MYRIP: variants seen among roughly 807,000 people sequenced by gnomAD.
MYRIP encodes myosin VIIA and Rab interacting protein.
In MYRIP, 49 loss-of-function variants were observed where a neutral mutation model predicts 98.0. The observed-to-expected ratio is 0.50, with a 90% CI of 0.40 to 0.63. The LOEUF (loss-of-function observed/expected upper bound fraction) is 0.63, where lower values mean the gene tolerates loss of function less well. Ranked by LOEUF, MYRIP falls within the 30% of genes least tolerant of loss-of-function variation. The pLI is 0.00. For synonymous variants in MYRIP, 404 were observed against 409.5 expected, an observed-to-expected ratio of 0.99 and a Z score of 0.16; for missense variants, 1,004 against 1,058.2, an observed-to-expected ratio of 0.95 and a Z score of 0.71.
chr3:39,913,170 A>G (rs559368047), intron 2 of MYRIP, among the ~76,000 whole-genome samples: 326 of 152,306 alleles, frequency 2.1e-3, no homozygotes, highest in Middle Eastern at 6.8e-3. Flanking sequence ...TCAGGGATAC[A>G]CTAAGAGCCC....
intron 1 of MYRIP, among the ~76,000 whole-genome samples, chr3:39,887,753 T>C (rs575076806): frequency 2.0e-4 from 30 of 152,278 alleles, no homozygotes; most frequent in African/African-American, 6.5e-4. Context: ...TGTTTGCAGA[T>C]GACATGATTG....
chr3:40,134,670 T>C (rs1037941656), intron 3 of MYRIP, among the ~76,000 whole-genome samples: 2 of 152,160 alleles, frequency 1.3e-5, no homozygotes, highest in Non-Finnish European at 2.9e-5. Flanking sequence ...AGCCGGGTAC[T>C]CCTCTGAGAC....
chr3:39,925,882 T>C (rs1944412402), intron 2 of MYRIP, among the ~76,000 whole-genome samples: 1 of 152,072 alleles, frequency 6.6e-6, no homozygotes, highest in African/African-American at 2.4e-5. Flanking sequence ...GCAGTTCTGT[T>C]TTCAATTCTT....
intron 3 of MYRIP, among the ~76,000 whole-genome samples, chr3:40,099,795 G>T (rs541029484): frequency 2.0e-5 from 3 of 152,238 alleles, no homozygotes; most frequent in African/African-American, 7.2e-5. Flanking sequence ...CCATGTCTTT[G>T]GCTCTTCCAT....
chr3:39,890,027 C>G (rs1943443227), intron 1 of MYRIP, among the ~76,000 whole-genome samples: 1 of 152,058 alleles, frequency 6.6e-6, no homozygotes, highest in Admixed American at 6.6e-5. Flanking sequence ...ACTCATTCTT[C>G]TCTACTCCTC....
At chr3:39,973,656 A>T (rs1330240032) in intron 2 of MYRIP, among the ~76,000 whole-genome samples, 1 of 151,180 alleles carries the variant, frequency 6.6e-6, no homozygotes, top group East Asian at 1.9e-4. Context: ...TTGGAAGTAA[A>T]GCTCTCCTCA....
At chr3:40,157,770 A>T (rs1490459329) in intron 4 of MYRIP, among the ~76,000 whole-genome samples, 2 of 148,678 alleles carry the variant, frequency 1.3e-5, no homozygotes, top group South Asian at 2.2e-4. Flanking sequence ...TAGATTTTCT[A>T]GTTTATTTGC....
intron 3 of MYRIP, among the ~76,000 whole-genome samples, chr3:40,093,775 A>G (rs1948772912): frequency 6.6e-6 from 1 of 152,208 alleles, no homozygotes; most frequent in Non-Finnish European, 1.5e-5. Context: ...CACCATTGCA[A>G]TTGGATGCAA....
chr3:39,923,274 G>A (rs1944344193), intron 2 of MYRIP, among the ~76,000 whole-genome samples: 1 of 151,960 alleles, frequency 6.6e-6, no homozygotes, highest in Non-Finnish European at 1.5e-5. Context: ...GTTGAAAAAA[G>A]TACTTGAAGA....
chr3:39,889,366 C>T (rs921955204), intron 1 of MYRIP, among the ~76,000 whole-genome samples: 5 of 152,070 alleles, frequency 3.3e-5, no homozygotes, highest in African/African-American at 4.8e-5. Context: ...ATGATGAGTT[C>T]ATGTCCTTTA....
rs1575578441 is a variant in MYRIP at position 40,151,324 on chromosome 3, A to T, written c.469+140A>T. On this transcript the variant is annotated intron_variant, in intron 4 of 16. Coordinates refer to ENST00000302541, the MANE Select transcript of MYRIP (RefSeq NM_015460.4). Reference sequence around the variant, plus strand: ...ATATCTGGCACCAGTGAGAAGCAGAAATAGAAGGACGGATGCCAGAGATTC... The same window carrying T: ...ATATCTGGCACCAGTGAGAAGCAGATATAGAAGGACGGATGCCAGAGATTC... 1.4e-5 allele frequency: 13 copies of T among 926,146 alleles called. No individual in the cohort carries two copies. The South Asian group carries it at 2.7e-4, about 19-fold the overall frequency. 57.4% of individuals were successfully genotyped at this position (926,146 alleles called of 1,614,324 possible). A position where few individuals can be genotyped will look rare whatever the true frequency, so the allele number is the denominator to read the frequency against.
At chr3:39,926,414 C>T (rs887658316) in intron 2 of MYRIP, among the ~76,000 whole-genome samples, 2 of 152,034 alleles carry the variant, frequency 1.3e-5, no homozygotes, top group Non-Finnish European at 2.9e-5. Flanking sequence ...TTGCCAAGGT[C>T]GATGTCTAGA....
rs1307683718 is a variant in MYRIP at position 40,084,139 on chromosome 3, A to C, written c.332+39868A>C. Reference sequence around the variant, plus strand: ...GCAACAGATCGAGACTCCATCTCAAAAAAAAAAAAAAAAAAAAAAAAAAAA... The same window carrying C: ...GCAACAGATCGAGACTCCATCTCAACAAAAAAAAAAAAAAAAAAAAAAAAA... On this transcript the variant is annotated intron_variant, in intron 3 of 16. Coordinates refer to ENST00000302541, the MANE Select transcript of MYRIP (RefSeq NM_015460.4). 1.9e-4 allele frequency among the ~76,000 whole-genome samples: 5 copies of C among 25,794 alleles called. No homozygotes were observed. The East Asian group carries it at 6.8e-3, about 35-fold the overall frequency. The allele number at this position is 25,794 out of a possible 152,430, so 16.9% of individuals were successfully genotyped here.
At chr3:40,048,427 G>A (rs1412257975) in intron 3 of MYRIP, among the ~76,000 whole-genome samples, 2 of 152,148 alleles carry the variant, frequency 1.3e-5, no homozygotes, top group African/African-American at 2.4e-5. Context: ...CAAAAAAGGA[G>A]TAGGAATTAA....
At chr3:40,147,117 T>C (rs775811066) in intron 3 of MYRIP, among the ~76,000 whole-genome samples, 3 of 152,224 alleles carry the variant, frequency 2.0e-5, no homozygotes, top group African/African-American at 7.2e-5. Flanking sequence ...TTGCCACTTA[T>C]TGATTAGTCA....
intron 1 of MYRIP, among the ~76,000 whole-genome samples, chr3:39,864,613 A>G (rs976326950): frequency 4.6e-5 from 7 of 152,206 alleles, no homozygotes; most frequent in African/African-American, 1.4e-4. Context: ...AGATCTCTAC[A>G]ATGAGAATTT....
At chr3:40,088,247 A>AT (rs903982794) in intron 3 of MYRIP, among the ~76,000 whole-genome samples, 2 of 151,956 alleles carry the variant, frequency 1.3e-5, no homozygotes, top group African/African-American at 2.4e-5. Flanking sequence ...AAACCTCAGA[A>AT]TTTTTTTCTC....
intron 3 of MYRIP, among the ~76,000 whole-genome samples, chr3:40,141,854 G>T (rs966497018): frequency 6.6e-6 from 1 of 152,020 alleles, no homozygotes; most frequent in Non-Finnish European, 1.5e-5. Context: ...ACAGCTTCGT[G>T]GTGTATTTTG....
chr3:39,988,537 C>G (rs955738730), intron 2 of MYRIP, among the ~76,000 whole-genome samples: 10 of 152,000 alleles, frequency 6.6e-5, no homozygotes, highest in African/African-American at 2.4e-4. Flanking sequence ...TCTGTATTTC[C>G]TGAATTTGAA....
Sources: gnomAD v4.1 joint callset for allele counts (sites outside exome capture counted in the v4.1 genomes callset) on GRCh38, gnomAD v4.1.1 for gene constraint, MANE v1.5 for transcripts, NCBI Gene and HGNC (gene_info 2026-07-23, HGNC 2026-07-21) for gene names.